The following CDHR2 variants were observed in gnomAD, a reference collection of about 807,000 sequenced individuals.
CDHR2 encodes the protein cadherin related family member 2, also known as cadherin-related family member 2.
A neutral mutation model predicts 138.6 loss-of-function variants in CDHR2; 104 were observed. The ratio of observed to expected loss-of-function variants is 0.75; its 90% confidence interval spans 0.64 to 0.88. The LOEUF is 0.88. Among genes scored for constraint, CDHR2 ranks in the 40% least tolerant of loss-of-function variants. The probability of loss-of-function intolerance (pLI) is 0.00; values close to 1 mark genes in which losing one functional copy is unlikely to be tolerated. For synonymous variants in CDHR2, 755 were observed against 742.8 expected, an observed-to-expected ratio of 1.02 and a Z score of -0.27; for missense variants, 1,624 against 1,727.6, an observed-to-expected ratio of 0.94 and a Z score of 1.06.
chr5:176,556,645 A>G (rs1268069948), intron 1 of CDHR2: 2 of 152,456 alleles, frequency 1.3e-5, no homozygotes, highest in African/African-American at 4.8e-5. Flanking sequence ...AGCCTGGGCG[A>G]CAGAGCGAGA....
rs1451534035 is a variant in CDHR2, at chr5:176,543,903, C to A, written c.-16+1134C>A. ...TCGGGAGGGATTACGTTCCCCGCAA[C>A]CCCTGTGTCCCCATCGCTAGAGCCA... On this transcript the variant is annotated intron_variant, in intron 1 of 31. Transcript: ENST00000510636. This position sits in a 1 kb window ranked among gnomAD's most constrained non-coding sequence, Gnocchi z 4.0. Among the ~76,000 whole-genome samples the A allele has an allele frequency of 6.6e-6, 1 of 152,344 alleles. No homozygotes were observed. Among genetic ancestry groups the A allele is most frequent in the Non-Finnish European group, 1.5e-5 (1 of 68,030 alleles).
intron 1 of CDHR2, among the ~76,000 whole-genome samples, chr5:176,564,477 C>T (rs1758037750): frequency 1.3e-5 from 2 of 152,206 alleles, no homozygotes; most frequent in Non-Finnish European, 2.9e-5. Context: ...CGTGAGCCAC[C>T]ACGCCCAGCC....
intron 24 of CDHR2, 83 bp from the exon 25 acceptor site, chr5:176,589,995 C>T: frequency 8.9e-7 from 1 of 1,121,590 alleles, no homozygotes; most frequent in African/African-American, 1.5e-5. Flanking sequence ...CTCACTCATA[C>T]AATTCTTAAT....
chr5:176,568,815 G>C lies in CDHR2; in HGVS notation c.262G>C (p.Glu88Gln). Residue 88 changes from glutamate (E) to glutamine (Q), a missense_variant and splice_region_variant, in exon 4 of 32, where the codon GAG (glutamate) becomes CAG (glutamine). Physicochemically the swap from Glu to Gln is conservative, Grantham distance 29. Around this residue, in one of 3 missense-constraint regions of CDHR2, gnomAD observed 1,061 missense variants for 1,136.6 expected, o/e 0.93. Transcript: ENST00000261944. The stretch of plus-strand genomic sequence containing the variant: ...GAAGCTGGCCAGCGCTCTGGACTAC[G>C]AGGTAAAGAGCATCAGCCGGAGAGG... ...EVKLASALDY[E>Q]TLYTFKVTIS... is the part of the protein sequence containing the mutation. 1.2e-6 allele frequency: 2 copies of C among 1,614,146 alleles called. No individual in the cohort carries two copies. The highest frequency in any genetic ancestry group is 1.3e-5 in the African/African-American group (1 of 75,078).
rs779634293 is a variant in CDHR2 at position 176,577,595 on chromosome 5, G to C, written c.1350+41G>C. The stretch of plus-strand genomic sequence containing the variant: ...GGGTGCCAGGGGCAGAAGCCGAGGG[G>C]CACTTGGGCCCCACAGCTGCTGCCT... On this transcript the variant is annotated intron_variant, in intron 13 of 31. Coordinates refer to ENST00000261944, the MANE Select transcript of CDHR2 (RefSeq NM_017675.6). The C allele has an allele frequency of 2.5e-6, 4 of 1,613,824 alleles. No homozygotes were observed. In the Admixed American group the frequency reaches 6.7e-5, roughly 27 times the overall value.
At chr5:176,565,458 G>T (rs1284031715) in intron 2 of CDHR2, 54 bp downstream of exon 2, 1 of 1,540,142 alleles carries the variant, frequency 6.5e-7, no homozygotes, top group Non-Finnish European at 9.0e-7. Flanking sequence ...CCCTTGGCAG[G>T]ACCCTCCAGA....
At position 176,543,100 on chromosome 5, in the gene CDHR2, C is replaced by A. The variant is rs1757492949; in HGVS notation, c.-16+331C>A. 6.6e-6 allele frequency among the ~76,000 whole-genome samples: 1 copy of A among 150,940 alleles called. No individual in the cohort carries two copies. Among genetic ancestry groups the A allele is most frequent in the Non-Finnish European group, 1.5e-5 (1 of 67,480 alleles). ...AGAAGAGCGGCGCAGCTCCCGCTGC[C>A]GGGCCCGGGACTGCGAGCTCCCGCC... is the stretch of plus-strand genomic sequence containing the variant. On this transcript the variant is annotated intron_variant, in intron 1 of 31. Coordinates refer to the CDHR2 transcript ENST00000510636. The surrounding 1 kb of genome is among the most constrained non-coding windows in gnomAD (Gnocchi z 4.0).
intron 16 of CDHR2, among the ~76,000 whole-genome samples, chr5:176,580,575 C>G (rs1195530448): frequency 3.4e-5 from 5 of 147,036 alleles, no homozygotes; most frequent in Admixed American, 1.4e-4. Flanking sequence ...GAAAACAAAA[C>G]AAAACAAAAG....
At chr5:176,579,607 CA>C (rs1420716357) in intron 16 of CDHR2, among the ~76,000 whole-genome samples, 1 of 152,108 alleles carries the variant, frequency 6.6e-6, no homozygotes, top group East Asian at 1.9e-4. Context: ...TTCAGGGCAC[CA>C]AAGGATGAGC....
chr5:176,567,884 C>T lies in CDHR2; in HGVS notation c.125-794C>T, dbSNP rs1016731932. ...GGCTCAAGCCATCCCCCATCTCAGC[C>T]TCCCGGAGTGCGGGGATTACAGATG... On this transcript the variant is annotated intron_variant, in intron 3 of 31. Transcript: ENST00000261944. Among the ~76,000 whole-genome samples, 13 of 152,368 alleles carry T rather than the reference C, an allele frequency of 8.5e-5. 1 individual carries two copies. The highest frequency in any genetic ancestry group is 4.1e-4 in the South Asian group (2 of 4,830).
chr5:176,577,723 G>A lies in CDHR2; in HGVS notation c.1437G>A (p.Thr479=), dbSNP rs905465182. 2.5e-5 allele frequency: 41 copies of A among 1,614,048 alleles called. No individual in the cohort carries two copies. The highest frequency in any genetic ancestry group is 1.3e-4 in the African/African-American group (10 of 74,930). The change falls in exon 14 of 32, where the codon ACG becomes ACA. Residue 479 remains threonine, a synonymous_variant. Transcript: ENST00000261944. ...GAGACATTAATGACCACAGGCCCACGTTTCCCCAGAGCTTGTACGTCCTCA... is the reference window on the plus strand; with the variant it reads ...GAGACATTAATGACCACAGGCCCACATTTCCCCAGAGCTTGTACGTCCTCA... ...HLRDINDHRP[T]FPQSLYVLTV...
intron 1 of CDHR2, among the ~76,000 whole-genome samples, chr5:176,561,431 C>T (rs1291227550): frequency 6.6e-6 from 1 of 152,112 alleles, no homozygotes; most frequent in African/African-American, 2.4e-5. Flanking sequence ...TGTGCTTGGT[C>T]CTGGGGTCAC....
At chr5:176,585,850 G>T in intron 19 of CDHR2, 104 bp from the exon 20 acceptor site, 1 of 886,318 alleles carries the variant, frequency 1.1e-6, no homozygotes. Context: ...ACGGGGTTGA[G>T]GCTGCGGGGC....
At chr5:176,565,847 T>C (rs1758067090) in intron 3 of CDHR2, 104 bp downstream of exon 3, 2 of 814,542 alleles carry the variant, frequency 2.5e-6, no homozygotes, top group African/African-American at 1.7e-5. Context: ...CCATGGCTTA[T>C]TGTGGGACAA....
At chr5:176,567,416 C>T (rs1297279390) in intron 3 of CDHR2, among the ~76,000 whole-genome samples, 2 of 152,170 alleles carry the variant, frequency 1.3e-5, no homozygotes, top group African/African-American at 4.8e-5. Context: ...GCAGTTCTCC[C>T]ATCTCGGCTT....
In CDHR2 at chr5:176,581,324, C is replaced by T. The variant is rs1192314165; in HGVS notation, c.1819-19C>T. 6 of 1,610,630 alleles carry T rather than the reference C, an allele frequency of 3.7e-6. No individual in the cohort carries two copies. The highest frequency in any genetic ancestry group is 2.2e-5 in the East Asian group (1 of 44,888). The stretch of plus-strand genomic sequence containing the variant: ...GGGAATGCCGATGGCCGATGACCAA[C>T]CCCTGCTTACGTGCACAGGCCCACG... On this transcript the variant is annotated intron_variant, in intron 16 of 31. Transcript: ENST00000261944.
At chr5:176,595,151 A>G (rs1022108273) in intron 31 of CDHR2, among the ~76,000 whole-genome samples, 1 of 152,116 alleles carries the variant, frequency 6.6e-6, no homozygotes, top group African/African-American at 2.4e-5. Context: ...AGTTGAGGTA[A>G]TGGATGGACC....
upstream of CDHR2, among the ~76,000 whole-genome samples, chr5:176,544,451 C>CCTTT (rs1554140331): frequency 0.03 from 4,449 of 146,238 alleles, 108 homozygotes; most frequent in Non-Finnish European, 0.045. Context: ...TTCTCTCTTT[C>CCTTT]CTTTTTTTGA....
intron 5 of CDHR2, 22 bp downstream of exon 5, chr5:176,569,032 G>C (rs370026633): frequency 6.2e-7 from 1 of 1,612,956 alleles, no homozygotes; most frequent in African/African-American, 1.3e-5. Flanking sequence ...GGTGCAGGGG[G>C]GTAGACAGGG....
Sources: gnomAD v4.1 joint callset for allele counts (sites outside exome capture counted in the v4.1 genomes callset) on GRCh38, gnomAD v4.1.1 for gene constraint, gnomAD v4.1.1 regional missense constraint, Gnocchi (gnomAD v3.1) non-coding constraint, MANE v1.5 for transcripts, NCBI Gene and HGNC (gene_info 2026-07-23, HGNC 2026-07-21) for gene names.